The following RAPGEF6 variants were observed in gnomAD, a reference collection of about 807,000 sequenced individuals.
RAPGEF6 encodes Rap guanine nucleotide exchange factor 6, also known as PDZ domain containing guanine nucleotide exchange factor (GEF) 2.
Under a neutral mutation model 171.4 loss-of-function variants are expected in RAPGEF6, and 56 were observed. That is an observed-to-expected ratio of 0.33 (90% CI 0.26 to 0.41). The LOEUF (loss-of-function observed/expected upper bound fraction) is 0.41, where lower values mean the gene tolerates loss of function less well. Ranked by LOEUF, RAPGEF6 falls within the 10% of genes least tolerant of loss-of-function variation. The pLI is 1.00. For synonymous variants in RAPGEF6, 692 were observed against 650.1 expected (o/e 1.06, Z -0.98); for missense variants, 1,674 against 1,921.4 (o/e 0.87, Z 2.41).
chr5:131,559,852 A>AG (rs1761482785), intron 5 of RAPGEF6, among the ~76,000 whole-genome samples: 1 of 151,914 alleles, frequency 6.6e-6, no homozygotes, highest in Admixed American at 6.6e-5. Context: ...AGAAAAAAAA[A>AG]AAAGAAAAAA....
intron 10 of RAPGEF6, 101 bp downstream of exon 10, chr5:131,505,251 GCTATTGAAACTC>G (rs1757301663): frequency 1.0e-6 from 1 of 1,002,368 alleles, no homozygotes; most frequent in Admixed American, 2.4e-5. Context: ...TTAACTGTGA[GCTATTGAAACTC>G]CTAATTCTCA....
chr5:131,492,448 A>AG (rs1489512737), intron 14 of RAPGEF6, 134 bp downstream of exon 14: 1 of 782,958 alleles, frequency 1.3e-6, no homozygotes, highest in Admixed American at 2.6e-5. Context: ...AACCATATGC[A>AG]GATACTACCT....
chr5:131,483,638 T>C (rs1035220174), intron 15 of RAPGEF6, among the ~76,000 whole-genome samples: 3 of 152,188 alleles, frequency 2.0e-5, no homozygotes, highest in Non-Finnish European at 4.4e-5. Flanking sequence ...TATGTATATA[T>C]GCGTTCACAA....
chr5:131,556,313 C>T (rs1761232861), intron 5 of RAPGEF6, among the ~76,000 whole-genome samples: 2 of 152,048 alleles, frequency 1.3e-5, no homozygotes, highest in Admixed American at 1.3e-4. Flanking sequence ...GTGGTGTGTG[C>T]CTGTAATCTC....
At position 131,463,600 on chromosome 5, in the gene RAPGEF6, A is replaced by G. The variant is rs562993582; in HGVS notation, c.2480+441T>C. 9.0e-4 allele frequency: 542 copies of G among 602,834 alleles called. 1 individual carries two copies. The highest frequency in any genetic ancestry group is 1.7e-3 in the Admixed American group (27 of 15,614). 37.3% of individuals were successfully genotyped at this position (602,834 alleles called of 1,614,324 possible). On this transcript the variant is annotated intron_variant, in intron 18 of 27. Coordinates refer to ENST00000509018, the MANE Select transcript of RAPGEF6 (RefSeq NM_016340.6). ...TCTCAAAAAAAAAAAAAAAAACCAG[A>G]GTAAGGAACAAATGTACTACAGAAA...
intron 4 of RAPGEF6, among the ~76,000 whole-genome samples, chr5:131,569,111 T>A (rs940671853): frequency 6.6e-6 from 1 of 152,224 alleles, no homozygotes. Context: ...GCCATGTTCA[T>A]AGGCTGGAAA....
intron 9 of RAPGEF6, among the ~76,000 whole-genome samples, chr5:131,505,864 G>A (rs1360789147): frequency 6.6e-6 from 1 of 152,092 alleles, no homozygotes; most frequent in Non-Finnish European, 1.5e-5. Flanking sequence ...TAACCTCTCT[G>A]GGCCTCAGTT....
intron 16 of RAPGEF6, among the ~76,000 whole-genome samples, chr5:131,475,778 T>C (rs1428322949): frequency 6.6e-6 from 1 of 152,254 alleles, no homozygotes; most frequent in Non-Finnish European, 1.5e-5. Flanking sequence ...TATCATGGTT[T>C]GTTTGGGATT....
rs542616911 is a variant in RAPGEF6 at position 131,472,350 on chromosome 5, C to T, written c.2239+237G>A. 2.3e-5 allele frequency: 12 copies of T among 526,366 alleles called. No individual in the cohort carries two copies. The East Asian group carries it at 4.4e-4, about 19-fold the overall frequency. 32.6% of individuals were successfully genotyped at this position (526,366 alleles called of 1,614,324 possible). ...CCTCCCAAAGTGCTGGGATTACAGG[C>T]GTGAGCCACTGCGCCTGGCCAGAGG... On this transcript the variant is annotated intron_variant, in intron 17 of 27. Coordinates refer to ENST00000509018, the MANE Select transcript of RAPGEF6 (RefSeq NM_016340.6).
At chr5:131,543,529 A>G (rs1238441010) in intron 6 of RAPGEF6, among the ~76,000 whole-genome samples, 1 of 152,168 alleles carries the variant, frequency 6.6e-6, no homozygotes. Context: ...AAACATGTGA[A>G]AGGAAGAATC....
At chr5:131,528,317 A>ATATATATT (rs1561538280) in intron 6 of RAPGEF6, among the ~76,000 whole-genome samples, 2 of 44,296 alleles carry the variant, frequency 4.5e-5, no homozygotes, top group Non-Finnish European at 5.2e-5. Context: ...TTTATATTAT[A>ATATATATT]TATATATATA....
At chr5:131,576,428 C>A (rs985399284) in intron 4 of RAPGEF6, among the ~76,000 whole-genome samples, 2 of 152,202 alleles carry the variant, frequency 1.3e-5, no homozygotes, top group Non-Finnish European at 2.9e-5. Flanking sequence ...TTTCCACATC[C>A]TACATCACCA....
In RAPGEF6 at chr5:131,444,748, T is replaced by C. The variant is rs144369075; in HGVS notation, c.3421+1735A>G. Among the ~76,000 whole-genome samples, 29 of 152,242 alleles carry C rather than the reference T, an allele frequency of 1.9e-4. No homozygotes were observed. In the East Asian group the frequency reaches 5.2e-3, roughly 27 times the overall value. On this transcript the variant is annotated intron_variant, in intron 22 of 27. Transcript: ENST00000509018. ...GGGTGGGTGTAAGAAGAGGAAGCCA[T>C]GAGGGTGTATATAAACTGTGTTTCA...
At chr5:131,615,667 G>A (rs1017615900) in intron 1 of RAPGEF6, among the ~76,000 whole-genome samples, 4 of 152,276 alleles carry the variant, frequency 2.6e-5, no homozygotes, top group South Asian at 4.1e-4. Flanking sequence ...TTGGGAGGCA[G>A]AGTGGGCGGA....
intron 16 of RAPGEF6, among the ~76,000 whole-genome samples, chr5:131,474,253 C>G (rs142622026): frequency 4.9e-4 from 75 of 152,290 alleles, no homozygotes; most frequent in African/African-American, 1.8e-3. Context: ...TCACCTGAGT[C>G]AGGAGTTTAA....
rs1561536921 is a variant in RAPGEF6 at position 131,527,306 on chromosome 5, A to AAC, written c.496-5786_496-5785insGT. 7.3e-3 allele frequency among the ~76,000 whole-genome samples: 1,105 copies of AAC among 151,706 alleles called. 14 individuals are homozygous for AAC. The highest frequency in any genetic ancestry group is 0.023 in the African/African-American group (952 of 41,272). Reference sequence around the variant, plus strand: ...AAAAACAAAACAACAACAACAACAAAAAAAAACAGCTGGAAGAGAATGTTA... The same window carrying AAC: ...AAAAACAAAACAACAACAACAACAAAACAAAAAACAGCTGGAAGAGAATGTTA... On this transcript the variant is annotated intron_variant, in intron 6 of 27. Coordinates refer to ENST00000509018, the MANE Select transcript of RAPGEF6 (RefSeq NM_016340.6).
At chr5:131,573,766 T>C (rs1017998302) in intron 4 of RAPGEF6, among the ~76,000 whole-genome samples, 1 of 152,040 alleles carries the variant, frequency 6.6e-6, no homozygotes, top group Non-Finnish European at 1.5e-5. Flanking sequence ...ACGGTAAAGA[T>C]GAAAACCCAG....
chr5:131,593,116 ACT>A (rs1402175179), intron 3 of RAPGEF6, among the ~76,000 whole-genome samples: 2 of 152,192 alleles, frequency 1.3e-5, no homozygotes. Context: ...AATGAAAACA[ACT>A]CTAAAATACT....
chr5:131,521,891 A>ACACACACT (rs1250904540), intron 6 of RAPGEF6, among the ~76,000 whole-genome samples: 28 of 123,650 alleles, frequency 2.3e-4, no homozygotes, highest in African/African-American at 6.5e-4. Context: ...ACACACACAC[A>ACACACACT]CTCTCTCTCT....
Sources: allele counts gnomAD v4.1 joint callset (sites outside exome capture counted in the v4.1 genomes callset), GRCh38; gene constraint gnomAD v4.1.1; transcripts MANE v1.5; gene names NCBI Gene and HGNC (gene_info 2026-07-23, HGNC 2026-07-21).